CDYL2: variants seen among roughly 807,000 people sequenced by gnomAD.
CDYL2 encodes chromodomain Y like 2.
CDYL2 carries 23 observed loss-of-function variants against 49.4 expected under a neutral mutation model. The ratio of observed to expected loss-of-function variants is 0.47; its 90% confidence interval spans 0.34 to 0.66. The LOEUF (loss-of-function observed/expected upper bound fraction) is 0.66, where lower values mean the gene tolerates loss of function less well. Ranked by LOEUF, CDYL2 falls within the 30% of genes least tolerant of loss-of-function variation. The probability of loss-of-function intolerance (pLI) is 0.01; values close to 1 mark genes in which losing one functional copy is unlikely to be tolerated. For synonymous variants in CDYL2, 360 were observed against 268.8 expected (o/e 1.34, Z -3.32); for missense variants, 678 against 656.4 (o/e 1.03, Z -0.36).
At chr16:80,618,488 T>C (rs1906931938) in intron 4 of CDYL2, among the ~76,000 whole-genome samples, 1 of 152,170 alleles carries the variant, frequency 6.6e-6, no homozygotes, top group South Asian at 2.1e-4. Context: ...AAGGAGACAC[T>C]TCCCTCACCA....
intron 1 of CDYL2, among the ~76,000 whole-genome samples, chr16:80,715,237 C>A (rs528995778): frequency 6.6e-6 from 1 of 152,244 alleles, no homozygotes; most frequent in East Asian, 1.9e-4. Flanking sequence ...GTGGGCTCCA[C>A]AGCACATGAT....
intron 4 of CDYL2, among the ~76,000 whole-genome samples, chr16:80,616,370 A>C (rs1906827365): frequency 6.6e-6 from 1 of 152,218 alleles, no homozygotes; most frequent in South Asian, 2.1e-4. Flanking sequence ...TGGGTAGTGC[A>C]TCTGCTGGGG....
chr16:80,660,398 AGGAC>A (rs1908993551), intron 2 of CDYL2, among the ~76,000 whole-genome samples: 1 of 152,014 alleles, frequency 6.6e-6, no homozygotes, highest in African/African-American at 2.4e-5. Context: ...ATTCAGTAAG[AGGAC>A]ATCATATTTG....
intron 1 of CDYL2, among the ~76,000 whole-genome samples, chr16:80,785,260 G>T (rs1348490046): frequency 6.6e-6 from 1 of 152,192 alleles, no homozygotes; most frequent in East Asian, 1.9e-4. Flanking sequence ...AGCAACTTCA[G>T]CAAAGTCTCA....
intron 1 of CDYL2, among the ~76,000 whole-genome samples, chr16:80,795,705 C>T (rs1334994005): frequency 3.3e-5 from 5 of 152,164 alleles, no homozygotes; most frequent in African/African-American, 1.2e-4. Context: ...AGGTCCAGCA[C>T]CACCATGCCT....
intron 1 of CDYL2, among the ~76,000 whole-genome samples, chr16:80,727,885 G>C (rs555100408): frequency 6.6e-6 from 1 of 152,098 alleles, no homozygotes. Context: ...TGCAGCTGAG[G>C]GTCCTGTCTG....
intron 1 of CDYL2, among the ~76,000 whole-genome samples, chr16:80,760,606 T>C (rs990511317): frequency 3.9e-5 from 6 of 152,068 alleles, no homozygotes; most frequent in Admixed American, 1.3e-4. Flanking sequence ...CATAAATATA[T>C]GCACCTACTA....
intron 4 of CDYL2, among the ~76,000 whole-genome samples, chr16:80,616,561 C>G (rs1446849454): frequency 3.3e-5 from 5 of 152,140 alleles, no homozygotes; most frequent in African/African-American, 1.2e-4. Context: ...GAGGAGAACC[C>G]TCCCCCAGCC....
chr16:80,732,129 C>T lies in CDYL2; in HGVS notation c.25-47000G>A, dbSNP rs555226955. Among the ~76,000 whole-genome samples, 48 of 152,224 alleles carry T rather than the reference C, an allele frequency of 3.2e-4. 1 individual carries two copies. Among genetic ancestry groups the T allele is most frequent in the African/African-American group, 6.7e-4 (28 of 41,548 alleles). ...TTATGAGAGTCATCATTTTTATTGA[C>T]GAAATCCATAATGATGACAGTGTGT... On this transcript the variant is annotated intron_variant, in intron 1 of 6. Transcript: ENST00000570137.
intron 1 of CDYL2, among the ~76,000 whole-genome samples, chr16:80,693,434 G>C (rs550786029): frequency 2.6e-5 from 4 of 152,222 alleles, no homozygotes; most frequent in Non-Finnish European, 4.4e-5. Context: ...CATTAAACAA[G>C]ACAGCAGAAA....
intron 5 of CDYL2, among the ~76,000 whole-genome samples, chr16:80,611,383 G>C (rs747207713): frequency 4.6e-5 from 7 of 152,176 alleles, no homozygotes; most frequent in Admixed American, 2.0e-4. Context: ...TATGAAATAA[G>C]GATTAGCCCA....
rs1468023332 is a variant in CDYL2 at position 80,612,058 on chromosome 16, C to T, written c.1218+568G>A. 6.6e-6 allele frequency among the ~76,000 whole-genome samples: 1 copy of T among 152,226 alleles called. No individual in the cohort carries two copies. Among genetic ancestry groups the T allele is most frequent in the East Asian group, 1.9e-4 (1 of 5,188 alleles). On this transcript the variant is annotated intron_variant, in intron 5 of 6. Coordinates refer to ENST00000570137, the MANE Select transcript of CDYL2 (RefSeq NM_152342.4). The surrounding 1 kb of genome is among the most constrained non-coding windows in gnomAD (Gnocchi z 5.0). The stretch of plus-strand genomic sequence containing the variant: ...CTCTTCTTGCTGGACATGCGCTGGG[C>T]TGCGTCTCCCGGCCTCCCTTGCAGG...
In CDYL2 at chr16:80,633,198, G is replaced by A; in HGVS notation, c.655C>T (p.Pro219Ser). ...LTNGGLNLHS[P>S]VKRKLEAEKD... ...TCCGCTTCCAGCTTCCTCTTCACTG[G>A]ACTGTGCAGGTTCAATCCCCCGTTG... Residue 219 changes from proline (P) to serine (S), a missense_variant, in exon 3 of 7, where the codon CCA (proline) becomes TCA (serine). Physicochemically the swap from Pro to Ser is moderately conservative, Grantham distance 74. This residue lies in a region of CDYL2 where 478 missense variants were observed against 427.0 expected (regional missense o/e 1.12). Coordinates refer to ENST00000570137, the MANE Select transcript of CDYL2 (RefSeq NM_152342.4). 1 of 1,614,140 alleles carries A rather than the reference G, an allele frequency of 6.2e-7. No individual in the cohort carries two copies. The highest frequency in any genetic ancestry group is 8.5e-7 in the Non-Finnish European group (1 of 1,180,016).
chr16:80,756,352 A>G (rs1439137949), intron 1 of CDYL2, among the ~76,000 whole-genome samples: 2 of 146,430 alleles, frequency 1.4e-5, no homozygotes, highest in East Asian at 1.9e-4. Flanking sequence ...AAACACAAAC[A>G]CACACAATGA....
chr16:80,723,190 G>A (rs188579523), intron 1 of CDYL2, among the ~76,000 whole-genome samples: 113 of 152,274 alleles, frequency 7.4e-4, no homozygotes, highest in South Asian at 1.2e-3. Flanking sequence ...AGGAAAAGCC[G>A]CCCCAAGAAG....
intron 1 of CDYL2, among the ~76,000 whole-genome samples, chr16:80,737,283 T>C (rs1043592354): frequency 1.3e-5 from 2 of 152,204 alleles, no homozygotes; most frequent in African/African-American, 4.8e-5. Flanking sequence ...GTTTCCTTTC[T>C]GGTATAGTGG....
chr16:80,687,432 G>A (rs1258291068), intron 1 of CDYL2, among the ~76,000 whole-genome samples: 1 of 152,064 alleles, frequency 6.6e-6, no homozygotes, highest in African/African-American at 2.4e-5. Context: ...ATGGATAGAT[G>A]GATGGTGGGA....
rs755454143 is a variant in CDYL2 at position 80,612,917 on chromosome 16, T to C, written c.1008-81A>G. On this transcript the variant is annotated intron_variant, in intron 4 of 6. Transcript: ENST00000570137. The surrounding 1 kb of genome is among the most constrained non-coding windows in gnomAD (Gnocchi z 5.0). Reference sequence around the variant, plus strand: ...TGGAACCCTTGACTCTCCCAGGTGCTGTGAGGAGCACCCTCAGGTCGTCAG... The same window carrying C: ...TGGAACCCTTGACTCTCCCAGGTGCCGTGAGGAGCACCCTCAGGTCGTCAG... 1.4e-5 allele frequency: 18 copies of C among 1,314,404 alleles called. No individual in the cohort carries two copies. The highest frequency in any genetic ancestry group is 1.9e-5 in the Non-Finnish European group (18 of 968,044). 81.4% of individuals were successfully genotyped at this position (1,314,404 alleles called of 1,614,324 possible).
chr16:80,793,408 GC>G (rs954445865), intron 1 of CDYL2, among the ~76,000 whole-genome samples: 7 of 152,302 alleles, frequency 4.6e-5, no homozygotes, highest in African/African-American at 1.7e-4. Flanking sequence ...CTAGTGGAAG[GC>G]AAAATGGAAA....
Sources: gnomAD v4.1 joint callset for allele counts (sites outside exome capture counted in the v4.1 genomes callset) on GRCh38, gnomAD v4.1.1 for gene constraint, gnomAD v4.1.1 regional missense constraint, Gnocchi (gnomAD v3.1) non-coding constraint, MANE v1.5 for transcripts, NCBI Gene and HGNC (gene_info 2026-07-23, HGNC 2026-07-21) for gene names.